The following CNTN1 variants were observed in gnomAD, a reference collection of about 807,000 sequenced individuals.
CNTN1 encodes the protein contactin-1.
A neutral mutation model predicts 126.4 loss-of-function variants in CNTN1; 38 were observed. The ratio of observed to expected loss-of-function variants is 0.30; its 90% CI spans 0.23 to 0.39. The LOEUF (loss-of-function observed/expected upper bound fraction) is 0.39, where lower values mean the gene tolerates loss of function less well. Ranked by LOEUF, CNTN1 falls within the 10% of genes least tolerant of loss-of-function variation. The probability of loss-of-function intolerance (pLI) is 1.00; values close to 1 mark genes in which losing one functional copy is unlikely to be tolerated. For missense variants in CNTN1, 1,009 were observed against 1,248.4 expected, an observed-to-expected ratio of 0.81 and a Z score of 2.89; for synonymous variants, 413 against 422.6, an observed-to-expected ratio of 0.98 and a Z score of 0.28.
In CNTN1 at chr12:40,982,202, A is replaced by G. The variant is rs576927879; in HGVS notation, c.1963+1135A>G. On this transcript the variant is annotated intron_variant, in intron 16 of 23. Transcript: ENST00000551295. ...TATAAAGTTGCAATAAATTAGAAAT[A>G]GGTGAAATATTTCCATTACATTATG... Among the ~76,000 whole-genome samples the G allele has an allele frequency of 2.6e-5, 4 of 152,296 alleles. No individual in the cohort carries two copies. In the South Asian group the frequency reaches 8.3e-4, roughly 32 times the overall value.
intron 23 of CNTN1, among the ~76,000 whole-genome samples, chr12:41,045,401 T>G (rs1171191587): frequency 1.3e-5 from 2 of 152,116 alleles, no homozygotes; most frequent in African/African-American, 4.8e-5. Context: ...GGTTTTAAAT[T>G]TTCTCTCCTG....
At chr12:40,890,315 T>G (rs371746336) in intron 1 of CNTN1, among the ~76,000 whole-genome samples, 2 of 152,278 alleles carry the variant, frequency 1.3e-5, no homozygotes, top group East Asian at 3.9e-4. Context: ...AGTGGTACAG[T>G]TGTTAAAATC....
intron 15 of CNTN1, chr12:40,972,557 G>A (rs989685489): frequency 5.3e-6 from 4 of 757,814 alleles, no homozygotes; most frequent in Non-Finnish European, 6.4e-6. Flanking sequence ...ATATGTGTGT[G>A]TATATATATA....
chr12:40,871,411 G>T (rs1047327611), intron 1 of CNTN1, among the ~76,000 whole-genome samples: 1 of 152,118 alleles, frequency 6.6e-6, no homozygotes, highest in Non-Finnish European at 1.5e-5. Flanking sequence ...CAATTTTATA[G>T]AGAGTAGACT....
intron 14 of CNTN1, among the ~76,000 whole-genome samples, chr12:40,944,664 G>A (rs1028075757): frequency 6.8e-6 from 1 of 146,114 alleles, no homozygotes; most frequent in Non-Finnish European, 1.5e-5. Context: ...AGAATTGAAA[G>A]GTGTTACATT....
At chr12:40,777,594 G>A (rs923516330) in intron 1 of CNTN1, among the ~76,000 whole-genome samples, 2 of 151,712 alleles carry the variant, frequency 1.3e-5, no homozygotes. Context: ...AAGTCACAAT[G>A]TAAATTTTTT....
chr12:40,734,450 G>A (rs1022813543), intron 1 of CNTN1, among the ~76,000 whole-genome samples: 20 of 152,054 alleles, frequency 1.3e-4, no homozygotes, highest in Non-Finnish European at 2.8e-4. Context: ...CCCTGAAAAG[G>A]CAGTAGACCT....
intron 9 of CNTN1, among the ~76,000 whole-genome samples, chr12:40,934,360 C>T (rs1946006948): frequency 6.6e-6 from 1 of 151,208 alleles, no homozygotes; most frequent in Non-Finnish European, 1.5e-5. Flanking sequence ...GTATTTTTAA[C>T]AAATTCCCAA....
chr12:40,935,709 AT>A (rs1196455247), intron 9 of CNTN1, among the ~76,000 whole-genome samples: 2 of 152,072 alleles, frequency 1.3e-5, no homozygotes, highest in Non-Finnish European at 2.9e-5. Context: ...AGTTTAAAAA[AT>A]ATCTCCCTAT....
intron 1 of CNTN1, among the ~76,000 whole-genome samples, chr12:40,737,105 CA>C (rs1937718338): frequency 6.6e-6 from 1 of 151,726 alleles, no homozygotes; most frequent in South Asian, 2.1e-4. Context: ...CCTTCCAAAT[CA>C]GTATAAATCC....
At chr12:40,736,693 A>G (rs1937702132) in intron 1 of CNTN1, among the ~76,000 whole-genome samples, 2 of 152,246 alleles carry the variant, frequency 1.3e-5, no homozygotes, top group African/African-American at 2.4e-5. Context: ...AATTTCGGTA[A>G]CTAACTCACA....
chr12:40,958,524 G>A (rs1220234952), intron 14 of CNTN1, among the ~76,000 whole-genome samples: 1 of 152,006 alleles, frequency 6.6e-6, no homozygotes, highest in Non-Finnish European at 1.5e-5. Flanking sequence ...AAAAATATGT[G>A]TTGAACACTC....
At chr12:40,783,336 A>G (rs1939880410) in intron 1 of CNTN1, among the ~76,000 whole-genome samples, 1 of 152,068 alleles carries the variant, frequency 6.6e-6, no homozygotes, top group Non-Finnish European at 1.5e-5. Flanking sequence ...TGTGAGATCA[A>G]AAAATATATG....
intron 1 of CNTN1, among the ~76,000 whole-genome samples, chr12:40,766,459 T>A (rs1292187787): frequency 6.6e-6 from 1 of 151,802 alleles, no homozygotes; most frequent in Non-Finnish European, 1.5e-5. Flanking sequence ...AATGAAATAA[T>A]CAGAGAACTG....
chr12:40,953,627 TA>T (rs1482125967), intron 14 of CNTN1, among the ~76,000 whole-genome samples: 1 of 152,176 alleles, frequency 6.6e-6, no homozygotes, highest in African/African-American at 2.4e-5. Context: ...GGCTTATCGA[TA>T]AAAGAGTTAA....
intron 1 of CNTN1, among the ~76,000 whole-genome samples, chr12:40,825,987 T>C (rs1941603519): frequency 6.6e-6 from 1 of 152,146 alleles, no homozygotes; most frequent in African/African-American, 2.4e-5. Flanking sequence ...TGGAGATTTG[T>C]ATGTGAGAAA....
At chr12:41,002,227 C>A (rs1948378120) in intron 17 of CNTN1, among the ~76,000 whole-genome samples, 1 of 152,066 alleles carries the variant, frequency 6.6e-6, no homozygotes, top group Admixed American at 6.6e-5. Flanking sequence ...TTGCTTTGGG[C>A]AGTATGGCCA....
chr12:40,841,320 C>T (rs1290970982), intron 1 of CNTN1, among the ~76,000 whole-genome samples: 1 of 151,904 alleles, frequency 6.6e-6, no homozygotes, highest in Non-Finnish European at 1.5e-5. Flanking sequence ...AACCCTGTAT[C>T]AGATGGAATC....
At chr12:41,068,376 C>T (rs1407624561) in intron 23 of CNTN1, among the ~76,000 whole-genome samples, 2 of 152,070 alleles carry the variant, frequency 1.3e-5, no homozygotes, top group African/African-American at 4.8e-5. Flanking sequence ...TGATAGTGTC[C>T]TTAGGAGCTC....
Sources: allele counts gnomAD v4.1 joint callset (sites outside exome capture counted in the v4.1 genomes callset), GRCh38; gene constraint gnomAD v4.1.1; transcripts MANE v1.5; gene names NCBI Gene and HGNC (gene_info 2026-07-23, HGNC 2026-07-21).